Variants in HELZ2 observed in about 807,000 individuals in gnomAD.
HELZ2 encodes 3'-5' exoribonuclease HELZ2.
In HELZ2, 143 loss-of-function variants were observed where a neutral mutation model predicts 208.8. The ratio of observed to expected loss-of-function variants is 0.68; its 90% CI spans 0.60 to 0.79. HELZ2 has a LOEUF of 0.79. HELZ2 is among the 30% of genes least tolerant of loss of function. The pLI is 0.00. For missense variants in HELZ2, 3,690 were observed against 3,794.5 expected, an observed-to-expected ratio of 0.97 and a Z score of 0.72; for synonymous variants, 1,705 against 1,693.7, an observed-to-expected ratio of 1.01 and a Z score of -0.16.
chr20:63,565,156 G>A (rs147855541), exon 8 of HELZ2: 43 of 1,596,376 alleles, frequency 2.7e-5, no homozygotes, highest in South Asian at 2.1e-4. Flanking sequence ...TCTTGGTCAC[G>A]GAGCCATTGA....
chr20:63,559,382 G>C lies in HELZ2; in HGVS notation c.7826-12C>G, dbSNP rs372227177. 136 of 1,584,022 alleles carry C rather than the reference G, an allele frequency of 8.6e-5. No individual in the cohort carries two copies. Among genetic ancestry groups the C allele is most frequent in the Non-Finnish European group, 1.1e-4 (129 of 1,161,380 alleles). Reference sequence around the variant, plus strand: ...AAGGAGGTGGTCTCCTGTGAGGGTGGGAGTCAGATGGGAGTCAGTCAGGGT... The same window carrying C: ...AAGGAGGTGGTCTCCTGTGAGGGTGCGAGTCAGATGGGAGTCAGTCAGGGT... On this transcript the variant is annotated splice_polypyrimidine_tract_variant and intron_variant, in intron 18 of 18. Coordinates refer to ENST00000467148, the Ensembl canonical transcript of HELZ2.
Position 63,560,340 on chromosome 20 carries a change from G to T in HELZ2, c.7501-13C>A. Reference sequence around the variant, plus strand: ...TGGTGATACGGACCTGAGGAGCCGAGGGGGCAGGTGGAGCGGACCCTGGTG... The same window carrying T: ...TGGTGATACGGACCTGAGGAGCCGATGGGGCAGGTGGAGCGGACCCTGGTG... On this transcript the variant is annotated splice_polypyrimidine_tract_variant and intron_variant, in intron 16 of 18. Coordinates refer to ENST00000467148, the Ensembl canonical transcript of HELZ2. 6.4e-7 allele frequency: 1 copy of T among 1,553,596 alleles called. No homozygotes were observed. The highest frequency in any genetic ancestry group is 8.7e-7 in the Non-Finnish European group (1 of 1,154,170).
At position 63,572,328 on chromosome 20, in the gene HELZ2, G is replaced by A. The variant is rs1297746980; in HGVS notation, c.58C>T (p.Pro20Ser). 7 of 1,583,608 alleles carry A rather than the reference G, an allele frequency of 4.4e-6. No homozygotes were observed. The highest frequency in any genetic ancestry group is 1.1e-5 in the South Asian group (1 of 87,754). Reference sequence around the variant, plus strand: ...CGCCCGTCGCCATCAGGGGCAGGGGGTGTGAGCAGGTCCCCCCGCTGGAGG... The same window carrying A: ...CGCCCGTCGCCATCAGGGGCAGGGGATGTGAGCAGGTCCCCCCGCTGGAGG... Residue 20 changes from proline (P) to serine (S), a missense_variant, in exon 1 of 19, where the codon CCC (proline) becomes TCC (serine). Transcript: ENST00000467148.
At chr20:63,568,290 A>T in intron 5 of HELZ2, 68 bp downstream of exon 6, 2 of 1,215,692 alleles carry the variant, frequency 1.6e-6, no homozygotes, top group Non-Finnish European at 2.4e-6. Flanking sequence ...CCAGGGGGTG[A>T]CCGCCTGCCC....
downstream of HELZ2, chr20:63,559,006 G>T: frequency 2.2e-6 from 1 of 463,198 alleles, no homozygotes. Context: ...TGGTCCCAAG[G>T]AAGCCCCTCT....
chr20:63,570,186 C>T (rs1444626796), intron 3 of HELZ2: 1 of 521,348 alleles, frequency 1.9e-6, no homozygotes, highest in Admixed American at 2.3e-5. Context: ...TCTCGAACTC[C>T]CGACCTCAGG....
Position 63,572,116 on chromosome 20 carries a change from GA to G in HELZ2, c.269del (p.Leu90ProfsTer81). ...GCCTCGAGTATCCTTACTTTGGGCA[GA>G]GCTCGAACTTGGAGAGTCCCGGGGG... On this transcript the variant is annotated frameshift_variant, in exon 1 of 19. Transcript: ENST00000467148. LOFTEE classifies it high-confidence loss of function. 6.2e-7 allele frequency: 1 copy of G among 1,609,204 alleles called. No individual in the cohort carries two copies. The highest frequency in any genetic ancestry group is 1.1e-5 in the South Asian group (1 of 90,418).
At chr20:63,569,552 C>A (rs1277570913) in exon 4 of HELZ2, 2 of 1,602,904 alleles carry the variant, frequency 1.2e-6, no homozygotes, top group African/African-American at 2.7e-5. Flanking sequence ...TGGAGCTGGG[C>A]ACACGGAAGC....
intron 3 of HELZ2, 89 bp downstream of exon 4, chr20:63,570,415 C>T: frequency 9.3e-7 from 1 of 1,074,666 alleles, no homozygotes; most frequent in Non-Finnish European, 1.4e-6. Context: ...GGTATTAGCT[C>T]CATGACCCAG....
chr20:63,561,471 G>A lies in HELZ2; in HGVS notation c.6837-5C>T, dbSNP rs891339839. 13 of 1,603,622 alleles carry A rather than the reference G, an allele frequency of 8.1e-6. No individual in the cohort carries two copies. The highest frequency in any genetic ancestry group is 1.7e-5 in the Admixed American group (1 of 59,372). On this transcript the variant is annotated splice_polypyrimidine_tract_variant and splice_region_variant and intron_variant, in intron 12 of 18. Coordinates refer to ENST00000467148, the Ensembl canonical transcript of HELZ2. ...CGGTGGTGCAGGGTGATGCTCCTGG[G>A]GGACAGGACACAGTGAGCCCTGTCC...
chr20:63,560,998 C>A, intron 14 of HELZ2, 69 bp from the exon 16 acceptor site: 2 of 1,595,050 alleles, frequency 1.3e-6, no homozygotes, highest in East Asian at 2.2e-5. Context: ...ACACGACACC[C>A]GCGTCTGCAC....
At chr20:63,559,417 G>A in intron 18 of HELZ2, 47 bp from the exon 20 acceptor site, 2 of 1,473,736 alleles carry the variant, frequency 1.4e-6, no homozygotes, top group Non-Finnish European at 1.8e-6. Flanking sequence ...TCAGGTGGGA[G>A]GAGTCAGGGT....
chr20:63,560,583 G>A (rs2082875162), exon 16 of HELZ2: 2 of 1,612,436 alleles, frequency 1.2e-6, no homozygotes, highest in Non-Finnish European at 8.5e-7. Context: ...AAGATGACAG[G>A]GCAGCTCTCC....
chr20:63,570,968 GC>G (rs2083010883), intron 1 of HELZ2, 100 bp from the exon 3 acceptor site: 1 of 938,084 alleles, frequency 1.1e-6, no homozygotes, highest in South Asian at 1.8e-5. Flanking sequence ...TCTGTAGGGA[GC>G]AGGGGCTTTA....
exon 8 of HELZ2, chr20:63,563,795 C>A (rs755342525): frequency 1.2e-6 from 2 of 1,602,804 alleles, no homozygotes; most frequent in Non-Finnish European, 1.7e-6. Flanking sequence ...CAGGTACCTG[C>A]GGATGGGCGA....
At chr20:63,565,735 T>C (rs2082947466) in exon 8 of HELZ2, 1 of 1,604,150 alleles carries the variant, frequency 6.2e-7, no homozygotes, top group Non-Finnish European at 8.5e-7. Flanking sequence ...CTTCCTTCAC[T>C]GCGTCTCCTG....
At chr20:63,564,751 G>GGGACCC in exon 8 of HELZ2, 1 of 1,611,940 alleles carries the variant, frequency 6.2e-7, no homozygotes, top group Non-Finnish European at 8.5e-7. Flanking sequence ...CTCGGACACT[G>GGGACCC]AGGGCATCAT....
At chr20:63,563,561 A>G (rs2082913283) in exon 8 of HELZ2, 1 of 1,521,662 alleles carries the variant, frequency 6.6e-7, no homozygotes, top group Non-Finnish European at 8.8e-7. Context: ...GAGCAGCCGG[A>G]AGCAGCGGGA....
chr20:63,574,208 G>A (rs1230355512), upstream of HELZ2: 7 of 144,512 alleles, frequency 4.8e-5, no homozygotes, highest in Non-Finnish European at 7.5e-5. Context: ...CTGCCCTGCC[G>A]AGCCTGCCCA....
Sources: allele counts gnomAD v4.1 joint callset, GRCh38; gene constraint gnomAD v4.1.1; transcripts MANE v1.5; gene names NCBI Gene and HGNC (gene_info 2026-07-23, HGNC 2026-07-21).